Variants in WDR27 observed in about 807,000 individuals in gnomAD.
WDR27 encodes the protein WD repeat domain 27, also known as WD repeat-containing protein 27.
Under a neutral mutation model 114.4 loss-of-function variants are expected in WDR27, and 100 were observed. The observed-to-expected ratio is 0.87, with a 90% CI of 0.74 to 1.03. WDR27 has a LOEUF of 1.03. WDR27 is among the 50% of genes least tolerant of loss of function. The pLI, the probability that WDR27 is intolerant of heterozygous loss-of-function variation, is 0.00. For missense variants in WDR27, 1,129 were observed against 1,092.9 expected (o/e 1.03, Z -0.47); for synonymous variants, 449 against 423.1 (o/e 1.06, Z -0.75).
intron 25 of WDR27, among the ~76,000 whole-genome samples, chr6:169,461,504 C>G (rs12110414): frequency 0.012 from 1,771 of 151,936 alleles, 39 homozygotes; most frequent in African/African-American, 0.041. Context: ...ATGACACACT[C>G]AAACTACCAA....
chr6:169,447,973 A>G, the WDR27 span, among the ~76,000 whole-genome samples: 1 of 152,208 alleles, frequency 6.6e-6, no homozygotes, highest in African/African-American at 2.4e-5. Flanking sequence ...CTAAAACTCT[A>G]TTAGTACTTT....
chr6:169,664,017 G>GGA, intron 8 of WDR27, 149 bp downstream of exon 8: 1 of 725,522 alleles, frequency 1.4e-6, no homozygotes, highest in South Asian at 2.1e-5. Context: ...ATGACCTGCA[G>GGA]GGCCTCAGTG....
Position 169,659,761 on chromosome 6 carries a change from C to G in WDR27, c.1130-243G>C, listed in dbSNP as rs1015123842. On this transcript the variant is annotated intron_variant, in intron 10 of 25. Coordinates refer to ENST00000448612, the MANE Select transcript of WDR27 (RefSeq NM_182552.5). This position sits in a 1 kb window ranked among gnomAD's most constrained non-coding sequence, Gnocchi z 4.3. ...AGCGTCACACATGCCAGGCTCCGCT[C>G]TGAGGCTGGGATGTGACTCGGACTG... 1.3e-5 allele frequency among the ~76,000 whole-genome samples: 2 copies of G among 152,174 alleles called. No individual in the cohort carries two copies. Among genetic ancestry groups the G allele is most frequent in the Non-Finnish European group, 2.9e-5 (2 of 68,020 alleles).
intron 2 of WDR27, among the ~76,000 whole-genome samples, chr6:169,673,515 G>T (rs1325864712): frequency 6.6e-6 from 1 of 151,918 alleles, no homozygotes; most frequent in Non-Finnish European, 1.5e-5. Context: ...CTAGGTCGTT[G>T]AAGAATTATG....
intron 25 of WDR27, among the ~76,000 whole-genome samples, chr6:169,563,054 T>G (rs548210878): frequency 2.8e-4 from 42 of 152,110 alleles, no homozygotes; most frequent in African/African-American, 9.4e-4. Context: ...GATCACAGTT[T>G]AAGATGAGGA....
At chr6:169,588,576 T>G (rs7740799) in intron 23 of WDR27, among the ~76,000 whole-genome samples, 142,875 of 152,246 alleles carry the variant, frequency 0.94, 67,122 homozygotes, top group East Asian at 0.99. Flanking sequence ...GCTGAATTTT[T>G]AAGGAAAGTG....
chr6:169,636,635 G>T, intron 18 of WDR27, 131 bp from the exon 19 acceptor site: 1 of 875,434 alleles, frequency 1.1e-6, no homozygotes, highest in Middle Eastern at 3.7e-4. Flanking sequence ...AACTTTGTTA[G>T]ACCCAATCTA....
chr6:169,630,134 G>C (rs771842463), intron 21 of WDR27, among the ~76,000 whole-genome samples: 1 of 152,140 alleles, frequency 6.6e-6, no homozygotes, highest in Non-Finnish European at 1.5e-5. Flanking sequence ...CATCTCAGGA[G>C]AGACTTTTCT....
intron 25 of WDR27, among the ~76,000 whole-genome samples, chr6:169,519,467 A>C (rs1158959172): frequency 6.6e-6 from 1 of 152,192 alleles, no homozygotes; most frequent in East Asian, 1.9e-4. Flanking sequence ...TCATGGCAGA[A>C]GGCAAAGCAG....
chr6:169,476,036 T>C (rs1787103587), intron 25 of WDR27, among the ~76,000 whole-genome samples: 1 of 152,208 alleles, frequency 6.6e-6, no homozygotes, highest in African/African-American at 2.4e-5. Context: ...TACTTAGATC[T>C]TCTATGCAGC....
At chr6:169,657,963 C>T (rs879399646) in intron 13 of WDR27, 3 of 233,590 alleles carry the variant, frequency 1.3e-5, no homozygotes, top group Non-Finnish European at 1.7e-5. Flanking sequence ...AAAATGTTCT[C>T]ACAATCAGTA....
intron 23 of WDR27, among the ~76,000 whole-genome samples, chr6:169,586,191 AT>A (rs1804520448): frequency 6.6e-6 from 1 of 152,002 alleles, no homozygotes; most frequent in South Asian, 2.1e-4. Flanking sequence ...GCTTGAAACC[AT>A]TTTTGCCATA....
intron 23 of WDR27, among the ~76,000 whole-genome samples, chr6:169,583,324 C>G (rs1286827382): frequency 6.8e-6 from 1 of 148,146 alleles, no homozygotes; most frequent in East Asian, 2.0e-4. Context: ...AAAAAAGATG[C>G]TCTATTGTCC....
intron 21 of WDR27, among the ~76,000 whole-genome samples, chr6:169,631,730 G>A (rs1305193654): frequency 6.6e-6 from 1 of 152,102 alleles, no homozygotes; most frequent in Non-Finnish European, 1.5e-5. Context: ...CTGTGGCCCT[G>A]ACACCTCCAT....
chr6:169,540,576 G>C (rs3006194), intron 25 of WDR27, among the ~76,000 whole-genome samples: 90,795 of 151,704 alleles, frequency 0.6, 29,640 homozygotes, highest in East Asian at 0.72. Flanking sequence ...ATTACAGGCA[G>C]ACGCCACCAT....
intron 23 of WDR27, among the ~76,000 whole-genome samples, chr6:169,587,511 G>A (rs931713336): frequency 2.6e-5 from 4 of 152,110 alleles, no homozygotes; most frequent in Non-Finnish European, 4.4e-5. Flanking sequence ...GAGCCACTGC[G>A]CCCGGCCCTC....
At chr6:169,653,257 G>A (rs1823094320) in intron 13 of WDR27, among the ~76,000 whole-genome samples, 1 of 152,090 alleles carries the variant, frequency 6.6e-6, no homozygotes, top group Non-Finnish European at 1.5e-5. Context: ...GGTTAGTCAA[G>A]GTTTCCAAAA....
At chr6:169,696,430 ACAAAGAATCCCACACATGCACC>A (rs1786003290) in intron 1 of WDR27, among the ~76,000 whole-genome samples, 3 of 152,326 alleles carry the variant, frequency 2.0e-5, no homozygotes, top group African/African-American at 7.2e-5. Flanking sequence ...ACACATGCAC[ACAAAGAATCCCACACATGCACC>A]CAAACGTGCA....
intron 1 of WDR27, among the ~76,000 whole-genome samples, chr6:169,695,050 A>T (rs943816801): frequency 2.6e-5 from 4 of 152,248 alleles, no homozygotes; most frequent in African/African-American, 9.6e-5. Context: ...GCTTTTGCCC[A>T]AACAGGATGT....
Sources: gnomAD v4.1 joint callset for allele counts (sites outside exome capture counted in the v4.1 genomes callset) on GRCh38, gnomAD v4.1.1 for gene constraint, Gnocchi (gnomAD v3.1) non-coding constraint, MANE v1.5 for transcripts, NCBI Gene and HGNC (gene_info 2026-07-23, HGNC 2026-07-21) for gene names.